ANXA8: variants seen among roughly 807,000 people sequenced by gnomAD.
ANXA8 encodes VAC-beta.
Under a neutral mutation model 26.8 loss-of-function variants are expected in ANXA8, and 9 were observed. That is an observed-to-expected ratio of 0.34 (90% confidence interval 0.20 to 0.59). The LOEUF (loss-of-function observed/expected upper bound fraction) is 0.59. ANXA8 is among the 20% of genes least tolerant of loss of function. The pLI, the probability that ANXA8 is intolerant of heterozygous loss-of-function variation, is 0.84. For synonymous variants in ANXA8, 39 were observed against 94.8 expected, an observed-to-expected ratio of 0.41 and a Z score of 3.42; for missense variants, 83 against 238.5, an observed-to-expected ratio of 0.35 and a Z score of 4.29.
Position 47,484,061 on chromosome 10 carries a change from A to C in ANXA8, c.-128T>G. On this transcript the variant is annotated 5_prime_UTR_variant, in exon 1 of 12. Transcript: ENST00000585281. ...GCCGCTCACTTGGGTGTGGGGGTGC[A>C]AGCCCGCCCAGGGCAGCGCCACACC... is the stretch of plus-strand genomic sequence containing the variant. 6.8e-6 allele frequency: 11 copies of C among 1,609,442 alleles called. No individual in the cohort carries two copies. Among genetic ancestry groups the C allele is most frequent in the Non-Finnish European group, 9.3e-6 (11 of 1,178,092 alleles).
the ANXA8 span, among the ~76,000 whole-genome samples, chr10:47,591,318 C>A: frequency 7.0e-6 from 1 of 142,678 alleles, no homozygotes; most frequent in Non-Finnish European, 1.5e-5. Flanking sequence ...ACCCGAGTGG[C>A]TAAAAGAAAC....
the ANXA8 span, among the ~76,000 whole-genome samples, chr10:47,501,506 G>A: frequency 7.4e-6 from 1 of 135,732 alleles, no homozygotes; most frequent in Admixed American, 7.5e-5. Context: ...TCAGGAGTTC[G>A]AGACCATCCT....
the ANXA8 span, among the ~76,000 whole-genome samples, chr10:47,950,881 T>G: frequency 6.6e-6 from 1 of 150,642 alleles, no homozygotes; most frequent in Non-Finnish European, 1.5e-5. Context: ...AAGTCCAAGG[T>G]CAATGATTTA....
At chr10:47,493,296 T>C in the ANXA8 span, among the ~76,000 whole-genome samples, 1 of 149,816 alleles carries the variant, frequency 6.7e-6, no homozygotes, top group South Asian at 2.1e-4. Flanking sequence ...GATGACCCTG[T>C]CCTCCTTTTG....
chr10:47,486,526 A>G (rs1333741531), upstream of ANXA8, among the ~76,000 whole-genome samples: 6 of 137,170 alleles, frequency 4.4e-5, 1 homozygote, highest in South Asian at 2.4e-4. Context: ...GACCTATCCA[A>G]CCAGCAGCAG....
At chr10:47,651,478 C>T in the ANXA8 span, among the ~76,000 whole-genome samples, 1 of 150,852 alleles carries the variant, frequency 6.6e-6, no homozygotes, top group South Asian at 2.1e-4. Flanking sequence ...CTAGGTCATC[C>T]CAAGAGAAAT....
the ANXA8 span, among the ~76,000 whole-genome samples, chr10:47,577,182 G>A: frequency 2.0e-5 from 3 of 148,438 alleles, no homozygotes; most frequent in African/African-American, 5.1e-5. Flanking sequence ...CTGAGATGGC[G>A]CCATTGCACT....
chr10:47,596,530 C>A, the ANXA8 span, among the ~76,000 whole-genome samples: 2 of 147,968 alleles, frequency 1.4e-5, no homozygotes, highest in East Asian at 3.9e-4. Context: ...TGATAGACTG[C>A]AAGCAAGATT....
At chr10:47,948,047 G>A in the ANXA8 span, among the ~76,000 whole-genome samples, 1 of 150,430 alleles carries the variant, frequency 6.6e-6, no homozygotes, top group South Asian at 2.1e-4. Flanking sequence ...CTTGGCAGGA[G>A]GAGTAAAGAA....
the ANXA8 span, chr10:47,691,088 G>T: frequency 6.2e-7 from 1 of 1,611,050 alleles, no homozygotes; most frequent in Non-Finnish European, 8.5e-7. Context: ...CATAAAATTC[G>T]GACCAAATTC....
the ANXA8 span, chr10:47,491,753 C>G: frequency 2.6e-6 from 4 of 1,545,548 alleles, no homozygotes; most frequent in African/African-American, 1.4e-5. Flanking sequence ...TGGTGCCTAT[C>G]TAGGCTCTGG....
chr10:47,587,706 T>C, the ANXA8 span, among the ~76,000 whole-genome samples: 1 of 146,670 alleles, frequency 6.8e-6, no homozygotes, highest in Non-Finnish European at 1.5e-5. Flanking sequence ...GTACTGTACA[T>C]TTGTGAGGTA....
At chr10:47,535,265 C>T in the ANXA8 span, among the ~76,000 whole-genome samples, 1 of 132,128 alleles carries the variant, frequency 7.6e-6, no homozygotes, top group African/African-American at 3.4e-5. Context: ...GGAGCCACCA[C>T]TCCCGAACCC....
the ANXA8 span, among the ~76,000 whole-genome samples, chr10:47,772,746 GA>G: frequency 6.7e-6 from 1 of 149,140 alleles, no homozygotes; most frequent in South Asian, 2.2e-4. Context: ...CGAAGACTGA[GA>G]AACCTCAAAT....
the ANXA8 span, among the ~76,000 whole-genome samples, chr10:47,624,080 CA>C: frequency 7.3e-4 from 66 of 90,540 alleles, 1 homozygote; most frequent in Admixed American, 7.2e-4. Context: ...ACTAAAAATA[CA>C]AAAAAAAAAA....
chr10:47,595,513 G>T, the ANXA8 span, among the ~76,000 whole-genome samples: 1 of 149,164 alleles, frequency 6.7e-6, no homozygotes, highest in Non-Finnish European at 1.5e-5. Flanking sequence ...GTCTTCAAGA[G>T]ACCCATCTCA....
chr10:47,494,868 G>A, the ANXA8 span, among the ~76,000 whole-genome samples: 1 of 152,178 alleles, frequency 6.6e-6, no homozygotes, highest in Non-Finnish European at 1.5e-5. Context: ...GAACCAATAA[G>A]AGATGAGGAA....
the ANXA8 span, among the ~76,000 whole-genome samples, chr10:47,672,786 G>A: frequency 2.0e-5 from 3 of 151,830 alleles, no homozygotes; most frequent in African/African-American, 4.9e-5. Flanking sequence ...TGAACCATTC[G>A]AGGTCTGGGG....
the ANXA8 span, among the ~76,000 whole-genome samples, chr10:47,557,366 T>A: frequency 8.6e-5 from 13 of 151,724 alleles, no homozygotes; most frequent in African/African-American, 3.2e-4. Flanking sequence ...ATGCTGAATG[T>A]CTGAATTTTT....
Sources: allele counts gnomAD v4.1 joint callset (sites outside exome capture counted in the v4.1 genomes callset), GRCh38; gene constraint gnomAD v4.1.1; transcripts MANE v1.5; gene names NCBI Gene and HGNC (gene_info 2026-07-23, HGNC 2026-07-21).